Variants in CA12 observed in about 807,000 individuals in gnomAD.
CA12 encodes the protein carbonic anhydrase 12.
In CA12, 36 loss-of-function variants were observed where a neutral mutation model predicts 46.8. The ratio of observed to expected loss-of-function variants is 0.77; its 90% CI spans 0.59 to 1.02. The LOEUF (loss-of-function observed/expected upper bound fraction) is 1.02, where lower values mean the gene tolerates loss of function less well. CA12 is among the 50% of genes least tolerant of loss of function. CA12 has a pLI of 0.00. For synonymous variants in CA12, 202 were observed against 187.0 expected (o/e 1.08, Z -0.65); for missense variants, 436 against 451.4 (o/e 0.97, Z 0.31).
At position 63,324,368 on chromosome 15, in the gene CA12, A is replaced by C. The variant is rs1214738765; in HGVS notation, c.*1917T>G. 1 of 152,230 alleles carries C rather than the reference A, an allele frequency of 6.6e-6. No individual in the cohort carries two copies. 9.4% of individuals were successfully genotyped at this position (152,230 alleles called of 1,614,324 possible). A position where few individuals can be genotyped will look rare whatever the true frequency, so the allele number is the denominator to read the frequency against. ...ACAGAGTCTTTTGACAGACAGTCCC[A>C]CTGCTCTGGAGTCCTTTATGTTCAT... On this transcript the variant is annotated 3_prime_UTR_variant, in exon 11 of 11. Coordinates refer to ENST00000178638, the MANE Select transcript of CA12 (RefSeq NM_001218.5).
intron 2 of CA12, among the ~76,000 whole-genome samples, chr15:63,366,919 ATTTAT>A (rs552232356): frequency 1.3e-5 from 2 of 151,908 alleles, no homozygotes; most frequent in South Asian, 4.2e-4. Context: ...TGGCTTATTT[ATTTAT>A]TTTATTTTAT....
rs78004691 is a variant in CA12, at chr15:63,346,623, G to A, written c.193C>T (p.Leu65Phe). 113 of 1,613,764 alleles carry A rather than the reference G, an allele frequency of 7.0e-5. No individual in the cohort carries two copies. In the African/African-American group the frequency reaches 1.3e-3, roughly 19 times the overall value. ...QSPIDLHSDI[L>F]QYDASLTPLE... ...GGCGTGAGGCTGGCGTCATACTGGA[G>A]GATGTCACTGTGCAGGTCTATGGGG... Residue 65 changes from leucine to phenylalanine, a missense_variant, in exon 3 of 11, where the codon CTC becomes TTC. Transcript: ENST00000178638.
chr15:63,373,446 CAG>C lies in CA12; in HGVS notation c.106+2210_106+2211del, dbSNP rs556940481. 2.6e-4 allele frequency among the ~76,000 whole-genome samples: 40 copies of C among 152,058 alleles called. 2 individuals are homozygous for C. The highest frequency in any genetic ancestry group is 2.0e-3 in the Admixed American group (31 of 15,264). On this transcript the variant is annotated intron_variant, in intron 2 of 10. Transcript: ENST00000178638. The surrounding 1 kb of genome is among the most constrained non-coding windows in gnomAD (Gnocchi z 4.9). ...CTCATTCTGCCCAGGAGGGCTGTAA[CAG>C]AGAGATAGGGATAGAGGACCCCGTA...
At chr15:63,346,049 T>C (rs1472883699) in intron 3 of CA12, among the ~76,000 whole-genome samples, 2 of 152,180 alleles carry the variant, frequency 1.3e-5, no homozygotes, top group Non-Finnish European at 2.9e-5. Flanking sequence ...GTACATAATC[T>C]CCAGTCTTCA....
At chr15:63,338,707 G>T in intron 8 of CA12, 112 bp downstream of exon 8, 1 of 1,424,310 alleles carries the variant, frequency 7.0e-7, no homozygotes, top group Non-Finnish European at 9.8e-7. Context: ...CAGCCAGGGA[G>T]CTCTCAGCCA....
In CA12 at chr15:63,348,231, A is replaced by G. The variant is rs1351981472; in HGVS notation, c.107-1522T>C. Reference sequence around the variant, plus strand: ...TGCAGAATCTCCAGTCCAACCTTTCACTGGACACCAGTCTTCTCACTTGGG... The same window carrying G: ...TGCAGAATCTCCAGTCCAACCTTTCGCTGGACACCAGTCTTCTCACTTGGG... On this transcript the variant is annotated intron_variant, in intron 2 of 10. Transcript: ENST00000178638. The surrounding 1 kb of genome is among the most constrained non-coding windows in gnomAD (Gnocchi z 4.6). Among the ~76,000 whole-genome samples the G allele has an allele frequency of 3.3e-5, 5 of 152,138 alleles. No individual in the cohort carries two copies. Among genetic ancestry groups the G allele is most frequent in the Admixed American group, 1.3e-4 (2 of 15,274 alleles).
chr15:63,364,684 C>T (rs189430920), intron 2 of CA12, among the ~76,000 whole-genome samples: 1 of 152,342 alleles, frequency 6.6e-6, no homozygotes, highest in East Asian at 1.9e-4. Flanking sequence ...GCCCTGCAGC[C>T]CTGGCCCATC....
chr15:63,367,717 T>A (rs1384929393), intron 2 of CA12, among the ~76,000 whole-genome samples: 2 of 152,210 alleles, frequency 1.3e-5, no homozygotes, highest in Non-Finnish European at 2.9e-5. Flanking sequence ...TATTTGGAGT[T>A]ACACCAGCTC....
At chr15:63,376,937 C>A (rs974782127) in intron 1 of CA12, among the ~76,000 whole-genome samples, 2 of 152,098 alleles carry the variant, frequency 1.3e-5, no homozygotes, top group Admixed American at 6.5e-5. Flanking sequence ...GCCACAGCAC[C>A]CAGCTGGGAA....
rs538955262 is a variant in CA12, at chr15:63,374,848, T to G, written c.106+810A>C. ...AATGCCTCCTGTGCCAGTGAGTCAG[T>G]TCCACCCTTCTGCTACCAAAACAAT... On this transcript the variant is annotated intron_variant, in intron 2 of 10. Transcript: ENST00000178638. This position sits in a 1 kb window ranked among gnomAD's most constrained non-coding sequence, Gnocchi z 4.4. Among the ~76,000 whole-genome samples, 6 of 152,200 alleles carry G rather than the reference T, an allele frequency of 3.9e-5. No individual in the cohort carries two copies. The highest frequency in any genetic ancestry group is 8.8e-5 in the Non-Finnish European group (6 of 68,024).
rs901264787 is a variant in CA12, at chr15:63,324,130, T to A, written c.*2155A>T. ...ATCCTGTGAGGATTTGCAAAGACAT[T>A]GATAGTGTTGGTTCTTGGAGCATCT... On this transcript the variant is annotated 3_prime_UTR_variant, in exon 11 of 11. Transcript: ENST00000178638. 13 of 152,224 alleles carry A rather than the reference T, an allele frequency of 8.5e-5. No individual in the cohort carries two copies. The highest frequency in any genetic ancestry group is 2.9e-4 in the African/African-American group (12 of 41,434). The allele number at this position is 152,224 out of a possible 1,614,324, so 9.4% of individuals were successfully genotyped here. A position where few individuals can be genotyped will look rare whatever the true frequency, so the allele number is the denominator to read the frequency against.
rs555687139 is a variant in CA12 at position 63,355,470 on chromosome 15, C to T, written c.107-8761G>A. ...GTCTCGGGCCCCACCCCAGGCCTAC[C>T]GAACCGGACACTCTGGGGGTGGCGC... On this transcript the variant is annotated intron_variant, in intron 2 of 10. Coordinates refer to ENST00000178638, the MANE Select transcript of CA12 (RefSeq NM_001218.5). The surrounding 1 kb of genome is among the most constrained non-coding windows in gnomAD (Gnocchi z 4.1). Among the ~76,000 whole-genome samples, 6 of 152,306 alleles carry T rather than the reference C, an allele frequency of 3.9e-5. No individual in the cohort carries two copies. The South Asian group carries it at 6.2e-4, about 16-fold the overall frequency.
rs746774939 is a variant in CA12 at position 63,342,083 on chromosome 15, A to C, written c.444T>G (p.His148Gln). The change falls in exon 5 of 11, where the codon CAT becomes CAG. Residue 148 changes from histidine (H) to glutamine (Q), a missense_variant. By Grantham distance (24) the His-to-Gln change is conservative (BLOSUM62 0). Transcript: ENST00000178638. ...QHFAAELHIV[H>Q]YNSDLYPDAS... Reference sequence around the variant, plus strand: ...CGTCAGGATAAAGGTCTGAGTTATAATGGACAATGTGCAGCTGCAGTGGGG... The same window carrying C: ...CGTCAGGATAAAGGTCTGAGTTATACTGGACAATGTGCAGCTGCAGTGGGG... The C allele has an allele frequency of 1.9e-6, 3 of 1,609,142 alleles. No homozygotes were observed. In the South Asian group the frequency reaches 3.3e-5, roughly 18 times the overall value.
In CA12 at chr15:63,327,188, A is replaced by G. The variant is rs368166193; in HGVS notation, c.953T>C (p.Ile318Thr). Residue 318 changes from isoleucine to threonine, a missense_variant, in exon 10 of 11, where the codon ATT becomes ACT. Ile to Thr is a moderately conservative substitution (Grantham distance 89). Coordinates refer to ENST00000178638, the MANE Select transcript of CA12 (RefSeq NM_001218.5). This position sits in a 1 kb window ranked among gnomAD's most constrained non-coding sequence, Gnocchi z 4.5. ...AAGCCAAATGGACACCACCACCACAATACAGATGCCAAGAATGCCAGCCAG... is the reference window on the plus strand; with the variant it reads ...AAGCCAAATGGACACCACCACCACAGTACAGATGCCAAGAATGCCAGCCAG... Reference protein sequence around the residue: ...LALAGILGICIVVVVSIWLFR... With the variant: ...LALAGILGICTVVVVSIWLFR... 31 of 1,614,088 alleles carry G rather than the reference A, an allele frequency of 1.9e-5. 1 individual carries two copies. In the South Asian group the frequency reaches 3.3e-4, roughly 17 times the overall value.
At chr15:63,354,540 A>G (rs1039628783) in intron 2 of CA12, among the ~76,000 whole-genome samples, 2 of 152,136 alleles carry the variant, frequency 1.3e-5, no homozygotes, top group Non-Finnish European at 2.9e-5. Flanking sequence ...CCTGGGCAAC[A>G]TAGCAAGACC....
rs149806676 is a variant in CA12, at chr15:63,364,017, A to G, written c.106+11641T>C. On this transcript the variant is annotated intron_variant, in intron 2 of 10. Coordinates refer to ENST00000178638, the MANE Select transcript of CA12 (RefSeq NM_001218.5). ...AGCCTGACCAACATGGAGAAACCCC[A>G]TCTCTACTAAAAATACAAAATTAGC... 7.1e-3 allele frequency among the ~76,000 whole-genome samples: 1,083 copies of G among 152,068 alleles called. 5 individuals carry two copies. The highest frequency in any genetic ancestry group is 0.011 in the Non-Finnish European group (770 of 67,960).
chr15:63,377,580 G>A (rs1256320444), intron 1 of CA12, among the ~76,000 whole-genome samples: 1 of 151,818 alleles, frequency 6.6e-6, no homozygotes, highest in East Asian at 1.9e-4. Flanking sequence ...ATTTTCCAAT[G>A]TAATTGGTAA....
At chr15:63,353,132 T>C (rs1046713755) in intron 2 of CA12, among the ~76,000 whole-genome samples, 2 of 151,998 alleles carry the variant, frequency 1.3e-5, no homozygotes, top group Admixed American at 6.5e-5. Flanking sequence ...TGATAATAAA[T>C]AACAAGTAAA....
chr15:63,340,500 G>T lies in CA12; in HGVS notation c.590-55C>A. On this transcript the variant is annotated intron_variant, in intron 6 of 10. Transcript: ENST00000178638. The surrounding 1 kb of genome is among the most constrained non-coding windows in gnomAD (Gnocchi z 4.4). Reference sequence around the variant, plus strand: ...GTCAGCCTCCCTCCGTAGGGCATAAGTGCAGCTGAACAGAGCGACTGAGCC... The same window carrying T: ...GTCAGCCTCCCTCCGTAGGGCATAATTGCAGCTGAACAGAGCGACTGAGCC... 1 of 1,605,600 alleles carries T rather than the reference G, an allele frequency of 6.2e-7. No homozygotes were observed. Among genetic ancestry groups the T allele is most frequent in the Non-Finnish European group, 8.5e-7 (1 of 1,172,166 alleles).
Sources: allele counts gnomAD v4.1 joint callset (sites outside exome capture counted in the v4.1 genomes callset), GRCh38; gene constraint gnomAD v4.1.1; non-coding constraint Gnocchi (gnomAD v3.1); transcripts MANE v1.5; gene names NCBI Gene and HGNC (gene_info 2026-07-23, HGNC 2026-07-21).